The following SPTB variants were observed in gnomAD, a reference collection of about 807,000 sequenced individuals.
SPTB encodes the protein spectrin beta chain, erythrocytic.
Under a neutral mutation model 256.2 loss-of-function variants are expected in SPTB, and 45 were observed. The ratio of observed to expected loss-of-function variants is 0.18; its 90% confidence interval spans 0.14 to 0.23. SPTB has a LOEUF of 0.23. Ranked by LOEUF, SPTB falls within the 10% of genes least tolerant of loss-of-function variation. The pLI is 1.00. For missense variants in SPTB, 2,715 were observed against 3,040.4 expected (o/e 0.89, Z 2.52); for synonymous variants, 1,231 against 1,243.1 (o/e 0.99, Z 0.21).
At chr14:64,774,298 CT>C in intron 24 of SPTB, 98 bp downstream of exon 24, 2 of 1,450,160 alleles carry the variant, frequency 1.4e-6, no homozygotes, top group Non-Finnish European at 1.8e-6. Context: ...GATGGGAAAA[CT>C]CTTTCCATTT....
Position 64,748,973 on chromosome 14 carries a change from T to A in SPTB, c.*333A>T. ...TTTTTTTGGTTGGGGGTAAGGGGCC[T>A]GTGCCCCCTCGGCTCAGGAGGAGGG... On this transcript the variant is annotated 3_prime_UTR_variant, in exon 36 of 36. Transcript: ENST00000644917. The A allele has an allele frequency of 4.7e-6, 1 of 214,556 alleles. No individual in the cohort carries two copies. The highest frequency in any genetic ancestry group is 9.1e-6 in the Non-Finnish European group (1 of 110,396). 13.3% of individuals were successfully genotyped at this position (214,556 alleles called of 1,614,324 possible).
intron 27 of SPTB, 117 bp from the exon 28 acceptor site, chr14:64,769,845 C>G: frequency 7.0e-7 from 1 of 1,421,304 alleles, no homozygotes; most frequent in South Asian, 1.2e-5. Flanking sequence ...GTGCTCCCTC[C>G]TCTCTCTCTG....
chr14:64,757,831 G>T (rs2082036951), intron 32 of SPTB, among the ~76,000 whole-genome samples: 1 of 152,178 alleles, frequency 6.6e-6, no homozygotes, highest in African/African-American at 2.4e-5. Context: ...GGAGGACAGG[G>T]ATTTCTAGAA....
At position 64,832,048 on chromosome 14, in the gene SPTB, C is replaced by T. The variant is rs529199401; in HGVS notation, c.-51-8903G>A. On this transcript the variant is annotated intron_variant, in intron 1 of 35. Coordinates refer to ENST00000644917, the MANE Select transcript of SPTB (RefSeq NM_001355436.2). ...CCATCAACCAACCACAGAGAAGGGC[C>T]TTGGCTGGAAAATGATGATGAACTG... 2.6e-5 allele frequency among the ~76,000 whole-genome samples: 4 copies of T among 152,184 alleles called. No homozygotes were observed. The South Asian group carries it at 6.2e-4, about 24-fold the overall frequency.
At position 64,816,315 on chromosome 14, in the gene SPTB, A is replaced by G. The variant is rs1486504679; in HGVS notation, c.148+6632T>C. 6.6e-6 allele frequency among the ~76,000 whole-genome samples: 1 copy of G among 152,084 alleles called. No individual in the cohort carries two copies. Among genetic ancestry groups the G allele is most frequent in the Non-Finnish European group, 1.5e-5 (1 of 68,014 alleles). On this transcript the variant is annotated intron_variant, in intron 2 of 35. Coordinates refer to ENST00000644917, the MANE Select transcript of SPTB (RefSeq NM_001355436.2). This position sits in a 1 kb window ranked among gnomAD's most constrained non-coding sequence, Gnocchi z 4.2. ...TCAAGATATCAATTTACCCTAAATC[A>G]ATATATATTCCCTCCTTAAACTCCA...
At position 64,826,210 on chromosome 14, in the gene SPTB, T is replaced by G. The variant is rs775685358; in HGVS notation, c.-51-3065A>C. ...TCAGGTGTAAGAGGCAGGAAGGAAA[T>G]AAATAAGAGAACAGGAAAGCTACAG... On this transcript the variant is annotated intron_variant, in intron 1 of 35. Coordinates refer to ENST00000644917, the MANE Select transcript of SPTB (RefSeq NM_001355436.2). This position sits in a 1 kb window ranked among gnomAD's most constrained non-coding sequence, Gnocchi z 4.4. 6.6e-6 allele frequency among the ~76,000 whole-genome samples: 1 copy of G among 151,846 alleles called. No homozygotes were observed. Among genetic ancestry groups the G allele is most frequent in the Non-Finnish European group, 1.5e-5 (1 of 67,968 alleles).
At chr14:64,833,249 T>C (rs1310925262) in intron 1 of SPTB, among the ~76,000 whole-genome samples, 2 of 152,310 alleles carry the variant, frequency 1.3e-5, no homozygotes, top group East Asian at 3.9e-4. Context: ...CCTCATTTCC[T>C]TCAAGAAACC....
In SPTB at chr14:64,816,259, G is replaced by A. The variant is rs974288521; in HGVS notation, c.148+6688C>T. Among the ~76,000 whole-genome samples, 15 of 152,146 alleles carry A rather than the reference G, an allele frequency of 9.9e-5. No homozygotes were observed. The highest frequency in any genetic ancestry group is 1.5e-5 in the Non-Finnish European group (1 of 68,030). ...ACCCTGCCACTGTATGGAAAGGCAC[G>A]CTGAGGTCTTGAATAAAAAACTCAA... On this transcript the variant is annotated intron_variant, in intron 2 of 35. Coordinates refer to ENST00000644917, the MANE Select transcript of SPTB (RefSeq NM_001355436.2). The surrounding 1 kb of genome is among the most constrained non-coding windows in gnomAD (Gnocchi z 4.2).
chr14:64,837,927 A>T (rs116108050), intron 1 of SPTB, among the ~76,000 whole-genome samples: 1,545 of 152,290 alleles, frequency 0.01, 22 homozygotes, highest in African/African-American at 0.036. Flanking sequence ...GCTGATTTTT[A>T]AAATTTCTAT....
At chr14:64,757,277 T>C (rs560464806) in intron 32 of SPTB, 2 of 152,378 alleles carry the variant, frequency 1.3e-5, no homozygotes, top group East Asian at 1.9e-4. Flanking sequence ...TTTCTTCCTA[T>C]ACTTCCATTC....
chr14:64,747,641 G>T lies in SPTB; in HGVS notation c.*1665C>A, dbSNP rs116861537. The T allele has an allele frequency of 1.3e-5, 2 of 152,230 alleles. No homozygotes were observed. The highest frequency in any genetic ancestry group is 2.1e-4 in the South Asian group (1 of 4,824). 9.4% of individuals were successfully genotyped at this position (152,230 alleles called of 1,614,324 possible). On this transcript the variant is annotated 3_prime_UTR_variant, in exon 36 of 36. Transcript: ENST00000644917. ...GTCAGCACTCAGGGTTCCTCAGGGG[G>T]CCTCATTCTGGATGCCTGCCCCTGT... is the stretch of plus-strand genomic sequence containing the variant.
rs1015742101 is a variant in SPTB, at chr14:64,841,461, A to G, written c.-51-18316T>C. Among the ~76,000 whole-genome samples, 1 of 152,220 alleles carries G rather than the reference A, an allele frequency of 6.6e-6. No individual in the cohort carries two copies. Among genetic ancestry groups the G allele is most frequent in the Non-Finnish European group, 1.5e-5 (1 of 68,048 alleles). On this transcript the variant is annotated intron_variant, in intron 1 of 35. Coordinates refer to ENST00000644917, the MANE Select transcript of SPTB (RefSeq NM_001355436.2). The surrounding 1 kb of genome is among the most constrained non-coding windows in gnomAD (Gnocchi z 4.6). ...CACCAGGCAACAAGAGCATCAAGAA[A>G]GGCAACAGGAAAGAAAGATGATCTG...
rs756353822 is a variant in SPTB at position 64,753,548 on chromosome 14, C to T, written c.6591G>A (p.Lys2197=). ...TCTCCCGCACTCACCTGTTGGAAGC[C>T]TTCTTGTTGGGCCCCTCCAGGTCAT... ...RKHDLEGPNK[K]ASNRSWNNLY... Residue 2197 remains lysine (K), a synonymous_variant, in exon 33 of 36, where the codon AAG becomes AAA. Transcript: ENST00000644917. 3.1e-6 allele frequency: 5 copies of T among 1,613,496 alleles called. No individual in the cohort carries two copies. The Admixed American group carries it at 8.3e-5, about 27-fold the overall frequency.
At chr14:64,809,955 G>C (rs2083057651) in intron 2 of SPTB, among the ~76,000 whole-genome samples, 1 of 151,978 alleles carries the variant, frequency 6.6e-6, no homozygotes. Context: ...ATATTTAATA[G>C]TGTTTTAAAT....
At position 64,823,160 on chromosome 14, in the gene SPTB, C is replaced by A; in HGVS notation, c.-51-15G>T. The A allele has an allele frequency of 6.3e-7, 1 of 1,598,430 alleles. No homozygotes were observed. The highest frequency in any genetic ancestry group is 1.1e-5 in the South Asian group (1 of 90,678). ...TGGAAGGATCCCTGGGGGACAGCAA[C>A]ACAGTCAGAGGGTTATCTCTCTACC... On this transcript the variant is annotated splice_polypyrimidine_tract_variant and intron_variant, in intron 1 of 35. Coordinates refer to ENST00000644917, the MANE Select transcript of SPTB (RefSeq NM_001355436.2). The surrounding 1 kb of genome is among the most constrained non-coding windows in gnomAD (Gnocchi z 6.5).
intron 27 of SPTB, 79 bp from the exon 28 acceptor site, chr14:64,769,807 A>C (rs1594756057): frequency 6.3e-7 from 1 of 1,593,764 alleles, no homozygotes. Flanking sequence ...AGAGGGGCCC[A>C]CCTCCCCCTG....
chr14:64,750,322 G>T, intron 33 of SPTB, 168 bp from the exon 34 acceptor site: 3 of 767,900 alleles, frequency 3.9e-6, no homozygotes, highest in East Asian at 2.9e-5. Flanking sequence ...CAAAAAATTA[G>T]CTATTATTAA....
Position 64,792,952 on chromosome 14 carries a change from A to G in SPTB, c.2666+45T>C. 6.2e-7 allele frequency: 1 copy of G among 1,613,370 alleles called. No individual in the cohort carries two copies. The highest frequency in any genetic ancestry group is 8.5e-7 in the Non-Finnish European group (1 of 1,179,970). ...CCAAACTAGGTGGGAGATGGTGCCC[A>G]GGCCTGGGTACAGGGACGTGAGGAA... On this transcript the variant is annotated intron_variant, in intron 14 of 35. Transcript: ENST00000644917. This position sits in a 1 kb window ranked among gnomAD's most constrained non-coding sequence, Gnocchi z 4.2.
At chr14:64,821,717 G>A (rs1443238694) in intron 2 of SPTB, among the ~76,000 whole-genome samples, 4 of 152,238 alleles carry the variant, frequency 2.6e-5, no homozygotes, top group Admixed American at 6.5e-5. Context: ...GATAAAGAAA[G>A]AAGAAAGAGA....
Sources: gnomAD v4.1 joint callset for allele counts (sites outside exome capture counted in the v4.1 genomes callset) on GRCh38, gnomAD v4.1.1 for gene constraint, Gnocchi (gnomAD v3.1) non-coding constraint, MANE v1.5 for transcripts, NCBI Gene and HGNC (gene_info 2026-07-23, HGNC 2026-07-21) for gene names.